The following SRPK2 variants were observed in gnomAD, a reference collection of about 807,000 sequenced individuals.
SRPK2 encodes the protein SRSF protein kinase 2, also known as SFRS protein kinase 2.
SRPK2 carries 21 observed loss-of-function variants against 90.8 expected under a neutral mutation model. The ratio of observed to expected loss-of-function variants is 0.23; its 90% CI spans 0.16 to 0.33. SRPK2 has a LOEUF of 0.33. Ranked by LOEUF, SRPK2 falls within the 10% of genes least tolerant of loss-of-function variation. The probability of loss-of-function intolerance (pLI) is 1.00; values close to 1 mark genes in which losing one functional copy is unlikely to be tolerated. For missense variants in SRPK2, 620 were observed against 869.0 expected, an observed-to-expected ratio of 0.71 and a Z score of 3.60; for synonymous variants, 288 against 311.1, an observed-to-expected ratio of 0.93 and a Z score of 0.78.
At chr7:105,380,320 C>T (rs969221949) in intron 2 of SRPK2, among the ~76,000 whole-genome samples, 9 of 151,848 alleles carry the variant, frequency 5.9e-5, no homozygotes, top group Admixed American at 4.6e-4. Flanking sequence ...TTAGTAGAGA[C>T]GGGGTTTCAT....
At chr7:105,279,044 T>G (rs953947842) in intron 2 of SRPK2, among the ~76,000 whole-genome samples, 2 of 152,190 alleles carry the variant, frequency 1.3e-5, no homozygotes, top group African/African-American at 4.8e-5. Context: ...TTTTTCAAGA[T>G]GAAGTCCCAG....
At chr7:105,247,435 TTAAG>T (rs2129629108) in intron 2 of SRPK2, among the ~76,000 whole-genome samples, 1 of 151,786 alleles carries the variant, frequency 6.6e-6, no homozygotes, top group East Asian at 1.9e-4. Flanking sequence ...ACGATGTCCT[TTAAG>T]TACATCACTG....
At chr7:105,172,462 G>C (rs1791278425) in intron 3 of SRPK2, among the ~76,000 whole-genome samples, 1 of 152,186 alleles carries the variant, frequency 6.6e-6, no homozygotes, top group African/African-American at 2.4e-5. Flanking sequence ...TACAGAGTGA[G>C]AACCTTTAAG....
At chr7:105,373,389 AT>A (rs397970137) in intron 2 of SRPK2, among the ~76,000 whole-genome samples, 4 of 142,710 alleles carry the variant, frequency 2.8e-5, no homozygotes, top group African/African-American at 7.6e-5. Flanking sequence ...AAAAAAAAAA[AT>A]TTTTTTTCTT....
intron 2 of SRPK2, among the ~76,000 whole-genome samples, chr7:105,347,785 A>T (rs1190222819): frequency 1.3e-5 from 2 of 151,084 alleles, no homozygotes; most frequent in African/African-American, 4.9e-5. Flanking sequence ...TGAACCCAGG[A>T]GGCAGAGGTT....
chr7:105,249,854 TA>T (rs930641429), intron 2 of SRPK2, among the ~76,000 whole-genome samples: 2 of 151,942 alleles, frequency 1.3e-5, no homozygotes, highest in Non-Finnish European at 2.9e-5. Flanking sequence ...ATACTAAAGT[TA>T]AAAAAAATAG....
chr7:105,304,822 G>C (rs1181406663), intron 2 of SRPK2, among the ~76,000 whole-genome samples: 3 of 152,094 alleles, frequency 2.0e-5, no homozygotes, highest in Non-Finnish European at 4.4e-5. Context: ...CCTGGCCCCG[G>C]GCTACAATCA....
chr7:105,209,906 G>A (rs530217692), intron 2 of SRPK2, among the ~76,000 whole-genome samples: 1 of 151,994 alleles, frequency 6.6e-6, no homozygotes, highest in East Asian at 1.9e-4. Context: ...TTAAAATGTG[G>A]TTTAAAAAAA....
At chr7:105,123,292 C>T (rs756251937) in intron 15 of SRPK2, among the ~76,000 whole-genome samples, 4 of 152,040 alleles carry the variant, frequency 2.6e-5, no homozygotes, top group Admixed American at 6.5e-5. Flanking sequence ...TTAAATTATA[C>T]GCAAGGAGAG....
intron 2 of SRPK2, among the ~76,000 whole-genome samples, chr7:105,248,570 T>G (rs1802038327): frequency 2.6e-5 from 4 of 151,000 alleles, no homozygotes; most frequent in Admixed American, 6.6e-5. Context: ...ACCACTACAC[T>G]CCAGCCTGGT....
intron 2 of SRPK2, among the ~76,000 whole-genome samples, chr7:105,252,320 CAG>C (rs1284170872): frequency 6.6e-6 from 1 of 151,670 alleles, no homozygotes; most frequent in Non-Finnish European, 1.5e-5. Flanking sequence ...AAAACAAAAA[CAG>C]AGTAGGGTGG....
At chr7:105,114,983 G>GTAAC (rs1364232238), downstream of SRPK2, among the ~76,000 whole-genome samples, 3 of 152,270 alleles carry the variant, frequency 2.0e-5, no homozygotes, top group South Asian at 2.1e-4. Context: ...CAGAATAAAG[G>GTAAC]TAACTAGCAT....
At chr7:105,342,082 A>G (rs1396783455) in intron 2 of SRPK2, among the ~76,000 whole-genome samples, 1 of 152,082 alleles carries the variant, frequency 6.6e-6, no homozygotes, top group Non-Finnish European at 1.5e-5. Flanking sequence ...TAGCTAACAC[A>G]GTGAAACCCC....
At chr7:105,180,597 A>G (rs1302749504) in intron 3 of SRPK2, among the ~76,000 whole-genome samples, 1 of 152,172 alleles carries the variant, frequency 6.6e-6, no homozygotes, top group Non-Finnish European at 1.5e-5. Flanking sequence ...CTCTACTAAA[A>G]AAATACAAAA....
At chr7:105,213,750 A>C (rs187806968) in intron 2 of SRPK2, among the ~76,000 whole-genome samples, 1 of 152,312 alleles carries the variant, frequency 6.6e-6, no homozygotes, top group East Asian at 1.9e-4. Flanking sequence ...GTGCAGAGTG[A>C]ATAAAATGTC....
At chr7:105,317,682 T>A (rs1204058) in intron 2 of SRPK2, among the ~76,000 whole-genome samples, 1 of 152,042 alleles carries the variant, frequency 6.6e-6, no homozygotes, top group Non-Finnish European at 1.5e-5. Context: ...TGATAATCTG[T>A]CTTCAATTAA....
At chr7:105,361,506 C>T (rs188785765) in intron 2 of SRPK2, among the ~76,000 whole-genome samples, 46 of 152,238 alleles carry the variant, frequency 3.0e-4, no homozygotes, top group Non-Finnish European at 5.9e-4. Context: ...AAAAAGAGCA[C>T]GCACTGCCAA....
chr7:105,357,948 G>A (rs753467186), intron 2 of SRPK2, among the ~76,000 whole-genome samples: 1 of 152,116 alleles, frequency 6.6e-6, no homozygotes, highest in Admixed American at 6.6e-5. Flanking sequence ...ATACAGGCCA[G>A]GCACAGTGGC....
intron 2 of SRPK2, among the ~76,000 whole-genome samples, chr7:105,383,410 C>T (rs932314502): frequency 3.4e-5 from 5 of 148,318 alleles, no homozygotes; most frequent in African/African-American, 9.9e-5. Flanking sequence ...GAACAAAAAA[C>T]AAAACAGAAT....
Sources: allele counts gnomAD v4.1 joint callset (sites outside exome capture counted in the v4.1 genomes callset), GRCh38; gene constraint gnomAD v4.1.1; transcripts MANE v1.5; gene names NCBI Gene and HGNC (gene_info 2026-07-23, HGNC 2026-07-21).